Variants in NCAM2 observed in about 807,000 individuals in gnomAD.
NCAM2 encodes N-CAM-2.
Under a neutral mutation model 98.1 loss-of-function variants are expected in NCAM2, and 30 were observed. That is an observed-to-expected ratio of 0.31 (90% confidence interval 0.23 to 0.41). The LOEUF (loss-of-function observed/expected upper bound fraction) is 0.41, where lower values mean the gene tolerates loss of function less well. Ranked by LOEUF, NCAM2 falls within the 10% of genes least tolerant of loss-of-function variation. The pLI is 1.00. For synonymous variants in NCAM2, 368 were observed against 342.4 expected (o/e 1.07, Z -0.83); for missense variants, 867 against 1,005.8 (o/e 0.86, Z 1.87).
intron 1 of NCAM2, among the ~76,000 whole-genome samples, chr21:21,054,168 C>T (rs1056531405): frequency 1.3e-5 from 2 of 151,638 alleles, no homozygotes; most frequent in African/African-American, 2.4e-5. Context: ...CAGTCATTGC[C>T]GAAGCTTTTC....
At chr21:21,385,460 C>T in intron 9 of NCAM2, 1 of 394,312 alleles carries the variant, frequency 2.5e-6, no homozygotes, top group Admixed American at 3.1e-5. Context: ...AACCAAGCAC[C>T]TACAGGGTAA....
intron 1 of NCAM2, among the ~76,000 whole-genome samples, chr21:21,036,880 A>G (rs1010866764): frequency 6.6e-6 from 1 of 152,228 alleles, no homozygotes; most frequent in Non-Finnish European, 1.5e-5. Context: ...AAGGGCCAAG[A>G]GAGGGCCCAA....
chr21:21,115,806 C>G (rs1009409180), intron 1 of NCAM2, among the ~76,000 whole-genome samples: 1 of 151,958 alleles, frequency 6.6e-6, no homozygotes, highest in East Asian at 1.9e-4. Flanking sequence ...GGATATTGTG[C>G]GTGTGTCTGT....
At chr21:21,524,244 T>C (rs1227894170) in intron 16 of NCAM2, among the ~76,000 whole-genome samples, 5 of 152,126 alleles carry the variant, frequency 3.3e-5, no homozygotes, top group African/African-American at 1.2e-4. Flanking sequence ...GGGTATTACC[T>C]AATCATAATG....
At chr21:21,503,650 T>G (rs1306800416) in intron 15 of NCAM2, among the ~76,000 whole-genome samples, 2 of 151,914 alleles carry the variant, frequency 1.3e-5, no homozygotes, top group Non-Finnish European at 2.9e-5. Flanking sequence ...TATAAGACAT[T>G]TGAATGAAGC....
At chr21:21,257,601 C>A (rs1171423029) in intron 1 of NCAM2, among the ~76,000 whole-genome samples, 1 of 151,644 alleles carries the variant, frequency 6.6e-6, no homozygotes, top group Admixed American at 6.6e-5. Flanking sequence ...TTATTTTTTC[C>A]TCTCTCTCTT....
In NCAM2 at chr21:21,220,644, C is replaced by T. The variant is rs562614489; in HGVS notation, c.56-59934C>T. 3.3e-5 allele frequency among the ~76,000 whole-genome samples: 5 copies of T among 152,218 alleles called. No homozygotes were observed. In the East Asian group the frequency reaches 5.8e-4, roughly 18 times the overall value. On this transcript the variant is annotated intron_variant, in intron 1 of 17. Coordinates refer to ENST00000400546, the MANE Select transcript of NCAM2 (RefSeq NM_004540.5). The stretch of plus-strand genomic sequence containing the variant: ...TTTCATCCCTTTCATGTATTATACT[C>T]GACCTCCTAAATCTATTTCAATTCC...
At chr21:21,196,754 C>A (rs1028820519) in intron 1 of NCAM2, among the ~76,000 whole-genome samples, 2 of 152,168 alleles carry the variant, frequency 1.3e-5, no homozygotes, top group African/African-American at 4.8e-5. Flanking sequence ...TTGAGGTGAA[C>A]TAGTTTGGAT....
intron 1 of NCAM2, among the ~76,000 whole-genome samples, chr21:21,025,099 T>C (rs912070574): frequency 2.6e-5 from 4 of 152,062 alleles, no homozygotes; most frequent in African/African-American, 7.2e-5. Context: ...ACTTTTTTTT[T>C]TTTTGAGATG....
chr21:21,104,909 G>T (rs1164144704), intron 1 of NCAM2, among the ~76,000 whole-genome samples: 1 of 152,104 alleles, frequency 6.6e-6, no homozygotes, highest in East Asian at 1.9e-4. Flanking sequence ...GAGAAATCAT[G>T]TTGGGAGCAG....
intron 1 of NCAM2, among the ~76,000 whole-genome samples, chr21:21,008,987 C>T (rs2064158499): frequency 6.6e-6 from 1 of 152,156 alleles, no homozygotes; most frequent in South Asian, 2.1e-4. Context: ...GCACTTCAAA[C>T]TTACGGTACT....
chr21:21,182,486 A>T (rs2068511647), intron 1 of NCAM2, among the ~76,000 whole-genome samples: 1 of 152,166 alleles, frequency 6.6e-6, no homozygotes. Context: ...CTCTGGTCTT[A>T]AGTTGCAGAG....
intron 1 of NCAM2, among the ~76,000 whole-genome samples, chr21:21,030,935 A>G (rs2064668969): frequency 6.9e-6 from 1 of 144,866 alleles, no homozygotes; most frequent in Non-Finnish European, 1.5e-5. Flanking sequence ...ATATTAATAT[A>G]GTTATGAATT....
chr21:21,143,723 A>G (rs990848905), intron 1 of NCAM2, among the ~76,000 whole-genome samples: 2 of 147,580 alleles, frequency 1.4e-5, no homozygotes, highest in Admixed American at 1.4e-4. Context: ...CCATCTCTTC[A>G]TGCACCAAAA....
At chr21:21,446,869 A>G (rs1980235487) in intron 12 of NCAM2, among the ~76,000 whole-genome samples, 1 of 152,302 alleles carries the variant, frequency 6.6e-6, no homozygotes, top group South Asian at 2.1e-4. Context: ...CTCTTCAAGG[A>G]GAACTACAAA....
intron 8 of NCAM2, among the ~76,000 whole-genome samples, chr21:21,349,216 TCAAATAATTCTATA>T (rs2075271405): frequency 1.3e-5 from 2 of 152,064 alleles, no homozygotes; most frequent in South Asian, 4.1e-4. Context: ...TATATGGAGC[TCAAATAATTCTATA>T]GAAAAAATAT....
intron 1 of NCAM2, among the ~76,000 whole-genome samples, chr21:21,158,684 C>G (rs1363270937): frequency 6.6e-6 from 1 of 151,924 alleles, no homozygotes; most frequent in Non-Finnish European, 1.5e-5. Context: ...ATTGTAACAC[C>G]TTAGCATATC....
intron 4 of NCAM2, among the ~76,000 whole-genome samples, chr21:21,287,181 C>G (rs942213545): frequency 3.9e-5 from 6 of 151,906 alleles, no homozygotes; most frequent in African/African-American, 1.4e-4. Flanking sequence ...AATGCACCTG[C>G]ACAGCAGAGA....
At chr21:21,018,400 T>G (rs768529612) in intron 1 of NCAM2, among the ~76,000 whole-genome samples, 12 of 152,242 alleles carry the variant, frequency 7.9e-5, no homozygotes, top group Non-Finnish European at 1.3e-4. Flanking sequence ...TTTCTCCAGT[T>G]TGTAATTAAA....
Sources: allele counts gnomAD v4.1 joint callset (sites outside exome capture counted in the v4.1 genomes callset), GRCh38; gene constraint gnomAD v4.1.1; transcripts MANE v1.5; gene names NCBI Gene and HGNC (gene_info 2026-07-23, HGNC 2026-07-21).